The following TPCN1 variants were observed in gnomAD, a reference collection of about 807,000 sequenced individuals.
TPCN1 encodes the protein two pore segment channel 1, also known as two pore channel protein 1.
TPCN1 carries 52 observed loss-of-function variants against 108.8 expected under a neutral mutation model. That is an observed-to-expected ratio of 0.48 (90% CI 0.38 to 0.60). The LOEUF is 0.60. Among genes scored for constraint, TPCN1 ranks in the 20% least tolerant of loss-of-function variants. TPCN1 has a pLI of 0.00. For missense variants in TPCN1, 806 were observed against 1,072.8 expected (o/e 0.75, Z 3.47); for synonymous variants, 446 against 433.7 (o/e 1.03, Z -0.35).
rs1956481313 is a variant in TPCN1 at position 113,298,008 on chromosome 12, C to T, written c.*1932C>T. 1 of 152,394 alleles carries T rather than the reference C, an allele frequency of 6.6e-6. No homozygotes were observed. The highest frequency in any genetic ancestry group is 2.4e-5 in the African/African-American group (1 of 41,460). 9.4% of individuals were successfully genotyped at this position (152,394 alleles called of 1,614,324 possible). The stretch of plus-strand genomic sequence containing the variant: ...CACCCCGGGGTCTGCCCAGGGGAGT[C>T]AAGGCCCCGAGGTGGGGGGGCCTAT... On this transcript the variant is annotated 3_prime_UTR_variant, in exon 28 of 28. Coordinates refer to ENST00000335509, the MANE Select transcript of TPCN1 (RefSeq NM_017901.6).
At chr12:113,258,888 G>A (rs537475918) in intron 2 of TPCN1, among the ~76,000 whole-genome samples, 1 of 152,220 alleles carries the variant, frequency 6.6e-6, no homozygotes, top group Admixed American at 6.5e-5. Context: ...GCAGGCCTTT[G>A]AGCCCTGTCA....
intron 2 of TPCN1, among the ~76,000 whole-genome samples, chr12:113,251,059 CTG>C (rs1347633886): frequency 2.0e-5 from 3 of 151,860 alleles, no homozygotes; most frequent in Non-Finnish European, 4.4e-5. Context: ...TCCTAGAACT[CTG>C]GGAGGGCGAG....
chr12:113,221,501 G>GGCGGCGGCT lies in TPCN1; in HGVS notation c.-250_-242dup. 3.4e-6 allele frequency: 1 copy of GGCGGCGGCT among 293,140 alleles called. No homozygotes were observed. Among genetic ancestry groups the GGCGGCGGCT allele is most frequent in the South Asian group, 2.8e-5 (1 of 35,970 alleles). The allele number at this position is 293,140 out of a possible 1,614,324, so 18.2% of individuals were successfully genotyped here. On this transcript the variant is annotated 5_prime_UTR_variant, in exon 1 of 28. Transcript: ENST00000335509. ...CTGCCCTGGTGGCAGTGGCTGAAGTGGCGGCGGCTTCGGCGGCTGCGGCGG... is the reference window on the plus strand; with the variant it reads ...CTGCCCTGGTGGCAGTGGCTGAAGTGGCGGCGGCTGCGGCGGCTTCGGCGGCTGCGGCGG...
Position 113,273,014 on chromosome 12 carries a change from C to T in TPCN1, c.784-218C>T, listed in dbSNP as rs964719508. On this transcript the variant is annotated intron_variant, in intron 8 of 27. Transcript: ENST00000335509. The surrounding 1 kb of genome is among the most constrained non-coding windows in gnomAD (Gnocchi z 4.0). Reference sequence around the variant, plus strand: ...CATGTGACTCCCTAGAAAAAAGTCCCCCCAAGTCAATAGTTTGCTTCTGCC... The same window carrying T: ...CATGTGACTCCCTAGAAAAAAGTCCTCCCAAGTCAATAGTTTGCTTCTGCC... Among the ~76,000 whole-genome samples the T allele has an allele frequency of 6.6e-6, 1 of 152,208 alleles. No homozygotes were observed. The highest frequency in any genetic ancestry group is 1.5e-5 in the Non-Finnish European group (1 of 68,038).
intron 2 of TPCN1, among the ~76,000 whole-genome samples, chr12:113,248,610 T>C (rs550073545): frequency 1.3e-5 from 2 of 151,948 alleles, no homozygotes; most frequent in African/African-American, 4.8e-5. Flanking sequence ...CAAGGCGGAG[T>C]GTTCCAGGCA....
intron 19 of TPCN1, among the ~76,000 whole-genome samples, chr12:113,287,575 C>G (rs557032853): frequency 6.6e-6 from 1 of 152,206 alleles, no homozygotes; most frequent in South Asian, 2.1e-4. Context: ...TGAGGGGTCC[C>G]GAGGTCCTGT....
At chr12:113,261,863 G>C (rs1366416379) in intron 3 of TPCN1, among the ~76,000 whole-genome samples, 2 of 150,230 alleles carry the variant, frequency 1.3e-5, no homozygotes, top group East Asian at 3.9e-4. Context: ...CTTACATCTA[G>C]GATTATTTTA....
At chr12:113,253,909 G>A (rs1022334351) in intron 2 of TPCN1, among the ~76,000 whole-genome samples, 2 of 152,188 alleles carry the variant, frequency 1.3e-5, no homozygotes, top group Non-Finnish European at 2.9e-5. Context: ...CTCAACAAAT[G>A]TTTGCTACCA....
At chr12:113,257,949 A>G (rs1255257818) in intron 2 of TPCN1, among the ~76,000 whole-genome samples, 1 of 152,148 alleles carries the variant, frequency 6.6e-6, no homozygotes, top group Non-Finnish European at 1.5e-5. Flanking sequence ...GTAAATATAT[A>G]TATTATATGT....
chr12:113,232,995 G>C lies in TPCN1; in HGVS notation c.112+6031G>C, dbSNP rs954796588. On this transcript the variant is annotated intron_variant, in intron 2 of 27. Transcript: ENST00000335509. The surrounding 1 kb of genome is among the most constrained non-coding windows in gnomAD (Gnocchi z 5.6). ...TGGCTCCGCTGGAGTCATTCCCCTGGCTTTTTCAGGGCCTCACCAAGGCAG... is the reference window on the plus strand; with the variant it reads ...TGGCTCCGCTGGAGTCATTCCCCTGCCTTTTTCAGGGCCTCACCAAGGCAG... 2.6e-5 allele frequency among the ~76,000 whole-genome samples: 4 copies of C among 152,184 alleles called. No individual in the cohort carries two copies. The highest frequency in any genetic ancestry group is 6.5e-5 in the Admixed American group (1 of 15,284).
Position 113,278,172 on chromosome 12 carries a change from T to C in TPCN1, c.1185-17T>C, listed in dbSNP as rs57244834. 1,230 of 1,612,348 alleles carry C rather than the reference T, an allele frequency of 7.6e-4. 10 individuals carry two copies. In the African/African-American group the frequency reaches 0.014, roughly 18 times the overall value. ...TATGTTCTGATATTTTGTCCCTTTT[T>C]ATTTTGCTTTTGGTAGCCTAAAGGA... On this transcript the variant is annotated splice_polypyrimidine_tract_variant and intron_variant, in intron 12 of 27. Coordinates refer to ENST00000335509, the MANE Select transcript of TPCN1 (RefSeq NM_017901.6).
intron 2 of TPCN1, among the ~76,000 whole-genome samples, chr12:113,246,386 C>T (rs367546413): frequency 4.6e-5 from 7 of 152,228 alleles, no homozygotes; most frequent in African/African-American, 1.4e-4. Context: ...TGTTTCCCTT[C>T]GTGGAACTTT....
chr12:113,248,663 G>T (rs1164442395), intron 2 of TPCN1, among the ~76,000 whole-genome samples: 1 of 152,228 alleles, frequency 6.6e-6, no homozygotes, highest in Non-Finnish European at 1.5e-5. Flanking sequence ...GCAGCGAGGG[G>T]CAGGCAGGAC....
chr12:113,228,030 A>C (rs188466075), intron 2 of TPCN1, among the ~76,000 whole-genome samples: 75 of 152,298 alleles, frequency 4.9e-4, no homozygotes, highest in African/African-American at 1.6e-3. Context: ...TTTTTCCCCA[A>C]GTGCCACTCA....
At chr12:113,291,551 A>T in intron 23 of TPCN1, 58 bp from the exon 24 acceptor site, 1 of 1,480,610 alleles carries the variant, frequency 6.8e-7, no homozygotes, top group Non-Finnish European at 9.3e-7. Flanking sequence ...CAGCCTGTGT[A>T]GACGGGGACC....
chr12:113,253,390 C>T (rs1954720990), intron 2 of TPCN1, among the ~76,000 whole-genome samples: 1 of 152,184 alleles, frequency 6.6e-6, no homozygotes, highest in South Asian at 2.1e-4. Flanking sequence ...AACATAGTGC[C>T]TTAAGATAGC....
Position 113,290,164 on chromosome 12 carries a change from C to A in TPCN1, c.1833C>A (p.Asn611Lys). 2 of 1,605,640 alleles carry A rather than the reference C, an allele frequency of 1.2e-6. No individual in the cohort carries two copies. The highest frequency in any genetic ancestry group is 1.7e-6 in the Non-Finnish European group (2 of 1,175,922). The change falls in exon 22 of 28, where the codon AAC becomes AAA. Residue 611 changes from asparagine to lysine, a missense_variant. Physicochemically the swap from Asn to Lys is moderately conservative, Grantham distance 94. Transcript: ENST00000335509. ...STVADAYRWR[N>K]HTVGNRTVVE... is the part of the protein sequence containing the mutation. ...TGGCAGATGCCTACCGCTGGCGCAA[C>A]CACACCGTGGGCAACAGGACCGTGG...
chr12:113,281,906 G>A (rs953128566), intron 15 of TPCN1, among the ~76,000 whole-genome samples: 10 of 149,346 alleles, frequency 6.7e-5, no homozygotes, highest in African/African-American at 2.2e-4. Context: ...ATACACATTT[G>A]GATTTCTTTT....
At chr12:113,233,782 G>A (rs572666672) in intron 2 of TPCN1, among the ~76,000 whole-genome samples, 1 of 152,306 alleles carries the variant, frequency 6.6e-6, no homozygotes, top group African/African-American at 2.4e-5. Context: ...GATTTGGGGG[G>A]CCGTTACTTT....
Sources: allele counts gnomAD v4.1 joint callset (sites outside exome capture counted in the v4.1 genomes callset), GRCh38; gene constraint gnomAD v4.1.1; non-coding constraint Gnocchi (gnomAD v3.1); transcripts MANE v1.5; gene names NCBI Gene and HGNC (gene_info 2026-07-23, HGNC 2026-07-21).